DNM3: variants seen among roughly 807,000 people sequenced by gnomAD.
DNM3 encodes dynamin-3.
In DNM3, 47 loss-of-function variants were observed where a neutral mutation model predicts 101.6. The observed-to-expected ratio is 0.46, with a 90% CI of 0.37 to 0.59. The LOEUF is 0.59. Among genes scored for constraint, DNM3 ranks in the 20% least tolerant of loss-of-function variants. DNM3 has a pLI of 0.00. For missense variants in DNM3, 849 were observed against 1,085.7 expected (o/e 0.78, Z 3.06); for synonymous variants, 385 against 387.9 (o/e 0.99, Z 0.09).
intron 15 of DNM3, among the ~76,000 whole-genome samples, chr1:172,253,936 T>C (rs1329083666): frequency 6.6e-6 from 1 of 152,090 alleles, no homozygotes; most frequent in Non-Finnish European, 1.5e-5. Context: ...AAAATAATTC[T>C]TCATCCATTT....
At chr1:172,347,401 G>A (rs561733402) in intron 17 of DNM3, among the ~76,000 whole-genome samples, 1 of 152,126 alleles carries the variant, frequency 6.6e-6, no homozygotes, top group South Asian at 2.1e-4. Context: ...TACAATTTTG[G>A]AGTTACTAGG....
At chr1:172,138,958 T>C in intron 14 of DNM3, 1 of 471,578 alleles carries the variant, frequency 2.1e-6, no homozygotes, top group Non-Finnish European at 4.4e-6. Flanking sequence ...ATCAGCCTGT[T>C]TTCCAGATTT....
At chr1:172,304,876 T>C (rs969115216) in intron 15 of DNM3, among the ~76,000 whole-genome samples, 2 of 152,076 alleles carry the variant, frequency 1.3e-5, no homozygotes, top group Non-Finnish European at 1.5e-5. Context: ...GGGACGCATT[T>C]AAAGCAGTGT....
At chr1:172,041,714 T>C (rs1169512806) in intron 7 of DNM3, among the ~76,000 whole-genome samples, 1 of 152,156 alleles carries the variant, frequency 6.6e-6, no homozygotes, top group East Asian at 1.9e-4. Flanking sequence ...ATTGATTAAC[T>C]CTCTATTTCA....
intron 15 of DNM3, among the ~76,000 whole-genome samples, chr1:172,288,076 A>T (rs1557937000): frequency 6.6e-6 from 1 of 152,192 alleles, no homozygotes; most frequent in Non-Finnish European, 1.5e-5. Flanking sequence ...GCAAATTATT[A>T]CCAAACACCA....
rs1403360831 is a variant in DNM3, at chr1:171,841,620, G to A, written c.-37G>A. ...CTACTCCCTGTCAGGTCGTAGAGGC[G>A]AGCAGGGACCAGCTGGTCGCCGGCC... On this transcript the variant is annotated 5_prime_UTR_variant, in exon 1 of 21. Coordinates refer to ENST00000627582, the MANE Select transcript of DNM3 (RefSeq NM_015569.5). 3 of 1,591,432 alleles carry A rather than the reference G, an allele frequency of 1.9e-6. No individual in the cohort carries two copies. The highest frequency in any genetic ancestry group is 2.6e-6 in the Non-Finnish European group (3 of 1,170,632).
intron 10 of DNM3, among the ~76,000 whole-genome samples, chr1:172,056,818 C>G (rs1047515580): frequency 1.3e-5 from 2 of 152,206 alleles, no homozygotes; most frequent in African/African-American, 4.8e-5. Context: ...CAGTTCCTCA[C>G]CAGCAAAGGA....
chr1:172,191,458 C>T (rs2059720290), intron 14 of DNM3, among the ~76,000 whole-genome samples: 1 of 152,128 alleles, frequency 6.6e-6, no homozygotes, highest in African/African-American at 2.4e-5. Flanking sequence ...ATGATGCCTC[C>T]AGCTTTGTTC....
intron 17 of DNM3, among the ~76,000 whole-genome samples, chr1:172,356,678 G>T (rs115030018): frequency 0.016 from 2,443 of 152,024 alleles, 69 homozygotes; most frequent in African/African-American, 0.056. Context: ...TATGAAAACT[G>T]TACCCCCACA....
intron 15 of DNM3, among the ~76,000 whole-genome samples, chr1:172,283,468 A>G (rs2063565974): frequency 6.6e-6 from 1 of 152,118 alleles, no homozygotes; most frequent in Non-Finnish European, 1.5e-5. Context: ...ATTCCTATAG[A>G]AAACCAAGTC....
chr1:172,235,325 A>G (rs1180311972), intron 14 of DNM3, among the ~76,000 whole-genome samples: 3 of 152,182 alleles, frequency 2.0e-5, no homozygotes, highest in Non-Finnish European at 2.9e-5. Context: ...TAGAATGGCA[A>G]TCATTAAAAA....
chr1:172,368,737 C>T (rs915436520), intron 17 of DNM3, among the ~76,000 whole-genome samples: 8 of 151,610 alleles, frequency 5.3e-5, no homozygotes, highest in African/African-American at 1.9e-4. Flanking sequence ...GACAAAAAGA[C>T]CCAAATAAAT....
Position 172,258,703 on chromosome 1 carries a change from C to T in DNM3, c.1769+5021C>T, listed in dbSNP as rs540531314. ...TTATCTTTTTAAAAATGCAACTTTT[C>T]ATTTGGTGATCTTTTGTATTGTCTT... On this transcript the variant is annotated intron_variant, in intron 15 of 20. Coordinates refer to ENST00000627582, the MANE Select transcript of DNM3 (RefSeq NM_015569.5). 3.3e-5 allele frequency among the ~76,000 whole-genome samples: 5 copies of T among 152,028 alleles called. No homozygotes were observed. The South Asian group carries it at 8.3e-4, about 25-fold the overall frequency.
chr1:172,028,168 G>A (rs1223242095), intron 4 of DNM3, among the ~76,000 whole-genome samples: 2 of 152,138 alleles, frequency 1.3e-5, no homozygotes, highest in Non-Finnish European at 2.9e-5. Context: ...ATAATTGGAA[G>A]TAAAACACTC....
rs72713721 is a variant in DNM3, at chr1:171,878,613, G to A, written c.161+36796G>A. On this transcript the variant is annotated intron_variant, in intron 1 of 20. Coordinates refer to ENST00000627582, the MANE Select transcript of DNM3 (RefSeq NM_015569.5). ...TATTCCCTTCTTTTTCTGCATGGGC[G>A]TGAACTCAGATTGTTTGATTTGCTA... Among the ~76,000 whole-genome samples, 1,284 of 152,132 alleles carry A rather than the reference G, an allele frequency of 8.4e-3. 26 individuals are homozygous for A. Among genetic ancestry groups the A allele is most frequent in the Non-Finnish European group, 6.8e-3 (462 of 67,998 alleles).
At chr1:172,019,912 A>G (rs1009447042) in intron 4 of DNM3, among the ~76,000 whole-genome samples, 1 of 150,876 alleles carries the variant, frequency 6.6e-6, no homozygotes, top group African/African-American at 2.5e-5. Context: ...GATGTTAATC[A>G]CAGTTTGTTT....
intron 2 of DNM3, among the ~76,000 whole-genome samples, chr1:171,981,270 C>T (rs1179151348): frequency 6.6e-6 from 1 of 152,118 alleles, no homozygotes; most frequent in Non-Finnish European, 1.5e-5. Context: ...CCTGTGCTCA[C>T]AAAACATTGC....
At chr1:171,967,305 AC>A (rs2043659399) in intron 2 of DNM3, among the ~76,000 whole-genome samples, 1 of 152,156 alleles carries the variant, frequency 6.6e-6, no homozygotes, top group Admixed American at 6.6e-5. Context: ...TGGTGAAATG[AC>A]CTGACTTCTT....
At chr1:172,216,139 G>A (rs2148542309) in intron 14 of DNM3, among the ~76,000 whole-genome samples, 1 of 152,068 alleles carries the variant, frequency 6.6e-6, no homozygotes, top group Middle Eastern at 3.4e-3. Flanking sequence ...TTACCATTTA[G>A]TTATAAAATT....
Sources: allele counts gnomAD v4.1 joint callset (sites outside exome capture counted in the v4.1 genomes callset), GRCh38; gene constraint gnomAD v4.1.1; transcripts MANE v1.5; gene names NCBI Gene and HGNC (gene_info 2026-07-23, HGNC 2026-07-21).